SV2B: variants seen among roughly 807,000 people sequenced by gnomAD.
The protein encoded by SV2B is solute carrier family 22 member B2.
A neutral mutation model predicts 73.9 loss-of-function variants in SV2B; 41 were observed. The observed-to-expected ratio is 0.56, with a 90% confidence interval of 0.43 to 0.72. The LOEUF (loss-of-function observed/expected upper bound fraction) is 0.72, where lower values mean the gene tolerates loss of function less well. Ranked by LOEUF, SV2B falls within the 30% of genes least tolerant of loss-of-function variation. The pLI is 0.00. For missense variants in SV2B, 764 were observed against 857.8 expected (o/e 0.89, Z 1.37); for synonymous variants, 314 against 314.2 (o/e 1.00, Z 0.01).
chr15:91,205,668 G>A (rs974911132), intron 1 of SV2B, among the ~76,000 whole-genome samples: 1 of 151,916 alleles, frequency 6.6e-6, no homozygotes, highest in Non-Finnish European at 1.5e-5. Flanking sequence ...GCCCTGCCCA[G>A]GATAACAACA....
At position 91,141,740 on chromosome 15, in the gene SV2B, G is replaced by A. The variant is rs371405722; in HGVS notation, c.-392+41377G>A. On this transcript the variant is annotated intron_variant, in intron 1 of 12. Coordinates refer to ENST00000394232, the MANE Select transcript of SV2B (RefSeq NM_001323032.3). The surrounding 1 kb of genome is among the most constrained non-coding windows in gnomAD (Gnocchi z 4.6). ...AGAGTTGCCAAATAGTTTGGGTTTT[G>A]TTTTGTTTTTTTTTTTGGACAGAGG... Among the ~76,000 whole-genome samples, 1,584 of 127,366 alleles carry A rather than the reference G, an allele frequency of 0.012. 29 individuals are homozygous for A. The highest frequency in any genetic ancestry group is 0.04 in the African/African-American group (1,505 of 37,802). The allele number at this position is 127,366 out of a possible 152,430, so 83.6% of individuals were successfully genotyped here. A position where few individuals can be genotyped will look rare whatever the true frequency, so the allele number is the denominator to read the frequency against.
In SV2B at chr15:91,122,747, G is replaced by A. The variant is rs914278760; in HGVS notation, c.-392+22384G>A. 2.6e-5 allele frequency among the ~76,000 whole-genome samples: 4 copies of A among 152,108 alleles called. No individual in the cohort carries two copies. Among genetic ancestry groups the A allele is most frequent in the African/African-American group, 4.8e-5 (2 of 41,400 alleles). On this transcript the variant is annotated intron_variant, in intron 1 of 12. Coordinates refer to ENST00000394232, the MANE Select transcript of SV2B (RefSeq NM_001323032.3). This position sits in a 1 kb window ranked among gnomAD's most constrained non-coding sequence, Gnocchi z 4.3. Reference sequence around the variant, plus strand: ...GAGGATATTACATTAAATGAAATACGCCGGGCACAGAGAGACAAACACTGC... The same window carrying A: ...GAGGATATTACATTAAATGAAATACACCGGGCACAGAGAGACAAACACTGC...
intron 1 of SV2B, among the ~76,000 whole-genome samples, chr15:91,199,903 G>A (rs2045399366): frequency 6.6e-6 from 1 of 152,202 alleles, no homozygotes; most frequent in South Asian, 2.1e-4. Flanking sequence ...CCCACAGCCT[G>A]GGGGCTGTGT....
intron 9 of SV2B, among the ~76,000 whole-genome samples, chr15:91,276,487 T>A (rs2048493164): frequency 1.3e-5 from 2 of 152,186 alleles, no homozygotes; most frequent in South Asian, 4.1e-4. Flanking sequence ...TTAGATGTTT[T>A]TCTCTGTTTC....
Position 91,268,653 on chromosome 15 carries a change from G to A in SV2B, c.1373+48G>A, listed in dbSNP as rs568037281. 12 of 1,586,708 alleles carry A rather than the reference G, an allele frequency of 7.6e-6. No homozygotes were observed. In the South Asian group the frequency reaches 1.0e-4, roughly 13 times the overall value. The stretch of plus-strand genomic sequence containing the variant: ...CCCTCACATCAGGGTGACAGTCGTG[G>A]GGACTGTTATTGGGAGGGAGCCGGA... On this transcript the variant is annotated intron_variant, in intron 9 of 12. Transcript: ENST00000394232. This position sits in a 1 kb window ranked among gnomAD's most constrained non-coding sequence, Gnocchi z 4.4.
intron 1 of SV2B, among the ~76,000 whole-genome samples, chr15:91,114,962 T>A (rs2042137576): frequency 6.6e-6 from 1 of 152,160 alleles, no homozygotes; most frequent in African/African-American, 2.4e-5. Flanking sequence ...TGATGCACAA[T>A]CTAGGATGAG....
chr15:91,244,193 C>A (rs182428335), intron 2 of SV2B, among the ~76,000 whole-genome samples: 53 of 152,328 alleles, frequency 3.5e-4, no homozygotes, highest in Admixed American at 2.5e-3. Context: ...ATTAATACCT[C>A]CCTCACCAGG....
At chr15:91,170,893 G>A (rs2044099481) in intron 1 of SV2B, among the ~76,000 whole-genome samples, 1 of 151,888 alleles carries the variant, frequency 6.6e-6, no homozygotes, top group Admixed American at 6.6e-5. Flanking sequence ...TGAATAACGT[G>A]TATCTTGGAA....
chr15:91,286,975 T>C (rs2141787305), intron 11 of SV2B, among the ~76,000 whole-genome samples: 1 of 152,328 alleles, frequency 6.6e-6, no homozygotes, highest in Non-Finnish European at 1.5e-5. Context: ...TATGAAGTGT[T>C]TGCCAGCATT....
At chr15:91,195,491 T>A (rs975840552) in intron 1 of SV2B, among the ~76,000 whole-genome samples, 1 of 152,216 alleles carries the variant, frequency 6.6e-6, no homozygotes, top group Non-Finnish European at 1.5e-5. Context: ...GCTACGTAAC[T>A]TATAAAATGG....
intron 1 of SV2B, among the ~76,000 whole-genome samples, chr15:91,143,373 A>G (rs1262965557): frequency 6.6e-6 from 1 of 152,198 alleles, no homozygotes; most frequent in African/African-American, 2.4e-5. Flanking sequence ...CCATTGAAAC[A>G]GGTTGCCATT....
intron 4 of SV2B, among the ~76,000 whole-genome samples, chr15:91,256,542 G>A (rs2047697314): frequency 6.6e-6 from 1 of 152,200 alleles, no homozygotes; most frequent in African/African-American, 2.4e-5. Context: ...TTGCACGTGA[G>A]CTGAGAACGT....
chr15:91,185,761 C>A (rs1327280546), intron 1 of SV2B, among the ~76,000 whole-genome samples: 1 of 152,192 alleles, frequency 6.6e-6, no homozygotes, highest in South Asian at 2.1e-4. Flanking sequence ...CAGTACCTTG[C>A]AAGGCAGATT....
chr15:91,180,626 G>A (rs1027476724), intron 1 of SV2B, among the ~76,000 whole-genome samples: 1 of 151,900 alleles, frequency 6.6e-6, no homozygotes, highest in Admixed American at 6.6e-5. Flanking sequence ...TTCCCTTCTC[G>A]CTTCATTTCA....
At position 91,270,176 on chromosome 15, in the gene SV2B, G is replaced by C. The variant is rs1022901125; in HGVS notation, c.1373+1571G>C. On this transcript the variant is annotated intron_variant, in intron 9 of 12. Transcript: ENST00000394232. Reference sequence around the variant, plus strand: ...CCTTGCAGAGATGAATTCCCTAAAGGAGACCTCATTTCTGAAGTTCCCAAT... The same window carrying C: ...CCTTGCAGAGATGAATTCCCTAAAGCAGACCTCATTTCTGAAGTTCCCAAT... Among the ~76,000 whole-genome samples the C allele has an allele frequency of 1.2e-4, 18 of 152,236 alleles. No individual in the cohort carries two copies. In the South Asian group the frequency reaches 3.7e-3, roughly 32 times the overall value.
chr15:91,230,605 T>C (rs1567369189), intron 2 of SV2B, among the ~76,000 whole-genome samples: 1 of 152,234 alleles, frequency 6.6e-6, no homozygotes, highest in Non-Finnish European at 1.5e-5. Flanking sequence ...ATTGTTAACA[T>C]TGAAGGCTCA....
At chr15:91,168,301 C>CGA (rs113991291) in intron 1 of SV2B, among the ~76,000 whole-genome samples, 11,924 of 137,224 alleles carry the variant, frequency 0.087, 574 homozygotes, top group Non-Finnish European at 0.11. Context: ...TGGTGAGATA[C>CGA]GAGAGAGAGA....
chr15:91,289,171 A>T lies in SV2B; in HGVS notation c.1709-350A>T, dbSNP rs958604341. 2.6e-5 allele frequency among the ~76,000 whole-genome samples: 4 copies of T among 152,132 alleles called. No individual in the cohort carries two copies. The highest frequency in any genetic ancestry group is 9.7e-5 in the African/African-American group (4 of 41,428). On this transcript the variant is annotated intron_variant, in intron 11 of 12. Transcript: ENST00000394232. This position sits in a 1 kb window ranked among gnomAD's most constrained non-coding sequence, Gnocchi z 4.9. Reference sequence around the variant, plus strand: ...TGTTTTTGTTTTTTGGCCAATACTGATGTAGCTCAAGCACCTAGAACAATG... The same window carrying T: ...TGTTTTTGTTTTTTGGCCAATACTGTTGTAGCTCAAGCACCTAGAACAATG...
intron 1 of SV2B, among the ~76,000 whole-genome samples, chr15:91,222,591 C>G (rs944758719): frequency 6.6e-6 from 1 of 152,134 alleles, no homozygotes; most frequent in Admixed American, 6.5e-5. Flanking sequence ...AACTCAGTGT[C>G]AATGTGAGCT....
Sources: gnomAD v4.1 joint callset for allele counts (sites outside exome capture counted in the v4.1 genomes callset) on GRCh38, gnomAD v4.1.1 for gene constraint, Gnocchi (gnomAD v3.1) non-coding constraint, MANE v1.5 for transcripts, NCBI Gene and HGNC (gene_info 2026-07-23, HGNC 2026-07-21) for gene names.